The following RYR2 variants were observed in gnomAD, a reference collection of about 807,000 sequenced individuals.
RYR2 encodes cardiac muscle ryanodine receptor-calcium release channel.
A neutral mutation model predicts 601.1 loss-of-function variants in RYR2; 227 were observed. The ratio of observed to expected loss-of-function variants is 0.38; its 90% confidence interval spans 0.34 to 0.42. RYR2 has a LOEUF of 0.42. Among genes scored for constraint, RYR2 ranks in the 10% least tolerant of loss-of-function variants. The pLI is 1.00. For synonymous variants in RYR2, 2,223 were observed against 2,175.1 expected, an observed-to-expected ratio of 1.02 and a Z score of -0.61; for missense variants, 4,646 against 6,156.5, an observed-to-expected ratio of 0.75 and a Z score of 8.21.
chr1:237,769,412 ATAACACT>A (rs1331828857), intron 84 of RYR2, among the ~76,000 whole-genome samples: 4 of 152,228 alleles, frequency 2.6e-5, no homozygotes, highest in African/African-American at 9.6e-5. Flanking sequence ...TAATGTGCCT[ATAACACT>A]TAAACTTGCC....
At chr1:237,392,102 T>C (rs774439072) in intron 10 of RYR2, among the ~76,000 whole-genome samples, 113 of 152,126 alleles carry the variant, frequency 7.4e-4, no homozygotes, top group Admixed American at 1.3e-3. Flanking sequence ...AGCTCATTAG[T>C]ATTAACTATA....
At chr1:237,700,713 A>G (rs1006787709) in intron 65 of RYR2, among the ~76,000 whole-genome samples, 2 of 152,292 alleles carry the variant, frequency 1.3e-5, no homozygotes, top group Non-Finnish European at 2.9e-5. Context: ...AATGACTTCC[A>G]CATTGTTGAA....
intron 29 of RYR2, among the ~76,000 whole-genome samples, chr1:237,582,026 A>G (rs986716788): frequency 2.0e-5 from 3 of 152,180 alleles, no homozygotes; most frequent in African/African-American, 7.2e-5. Context: ...GATTCCAGAA[A>G]TCAAAGGCAA....
chr1:237,185,218 T>A lies in RYR2; in HGVS notation c.49-85279T>A, dbSNP rs184832579. Among the ~76,000 whole-genome samples, 7 of 152,152 alleles carry A rather than the reference T, an allele frequency of 4.6e-5. No homozygotes were observed. In the East Asian group the frequency reaches 9.7e-4, roughly 21 times the overall value. On this transcript the variant is annotated intron_variant, in intron 1 of 104. Transcript: ENST00000366574. ...TCTCACTATGTTGCCCAGGCTGGTC[T>A]TGAACTCCTGGACTCAAGCAATCCT...
At chr1:237,605,235 G>C (rs12093965) in intron 35 of RYR2, among the ~76,000 whole-genome samples, 52,901 of 152,044 alleles carry the variant, frequency 0.35, 11,026 homozygotes, top group Admixed American at 0.48. Flanking sequence ...TGATAAAGTG[G>C]GCTTCATCCC....
Position 237,445,453 on chromosome 1 carries a change from C to A in RYR2, c.1223C>A (p.Ser408Tyr). Residue 408 changes from serine to tyrosine, a missense_variant, in exon 14 of 105, where the codon TCC becomes TAC. Ser to Tyr is a moderately radical substitution (Grantham distance 144). Coordinates refer to ENST00000366574, the MANE Select transcript of RYR2 (RefSeq NM_001035.3). ...HMDDGISLSR[S>Y]QHEESRTARV... is the part of the protein sequence containing the mutation. ...GATGATGGCATAAGTTTGTCGAGAT[C>A]CCAGCATGAAGAATCACGCACAGCC... The A allele has an allele frequency of 1.2e-6, 2 of 1,613,710 alleles. No homozygotes were observed. The highest frequency in any genetic ancestry group is 1.7e-6 in the Non-Finnish European group (2 of 1,179,714).
intron 2 of RYR2, among the ~76,000 whole-genome samples, chr1:237,278,572 A>G (rs926689421): frequency 1.8e-4 from 27 of 152,190 alleles, no homozygotes; most frequent in Admixed American, 1.4e-3. Flanking sequence ...GAATAAAATG[A>G]TTTCTGAGTA....
intron 97 of RYR2, 111 bp downstream of exon 97, chr1:237,798,281 T>A: frequency 1.0e-6 from 1 of 973,068 alleles, no homozygotes; most frequent in Non-Finnish European, 1.5e-6. Flanking sequence ...GAAGAATAGA[T>A]AGATGAGGAA....
chr1:237,411,911 T>G (rs1704497622), intron 10 of RYR2, among the ~76,000 whole-genome samples: 1 of 152,184 alleles, frequency 6.6e-6, no homozygotes, highest in Non-Finnish European at 1.5e-5. Flanking sequence ...GAGGTGTCGC[T>G]TACAATGTGC....
intron 80 of RYR2, among the ~76,000 whole-genome samples, chr1:237,742,837 G>A (rs1691732391): frequency 6.6e-6 from 1 of 152,158 alleles, no homozygotes; most frequent in African/African-American, 2.4e-5. Flanking sequence ...GCTTGCATGA[G>A]GTAGGAGTCC....
At chr1:237,664,795 G>A (rs1328619410) in intron 56 of RYR2, among the ~76,000 whole-genome samples, 1 of 152,186 alleles carries the variant, frequency 6.6e-6, no homozygotes, top group Non-Finnish European at 1.5e-5. Flanking sequence ...GCTGTGTTAG[G>A]TGAGGTAAAG....
At chr1:237,217,734 C>T (rs1385228816) in intron 1 of RYR2, among the ~76,000 whole-genome samples, 1 of 152,158 alleles carries the variant, frequency 6.6e-6, no homozygotes, top group African/African-American at 2.4e-5. Flanking sequence ...GTAGTGATGA[C>T]TGCTGACTCG....
intron 1 of RYR2, among the ~76,000 whole-genome samples, chr1:237,259,423 G>A (rs1251196466): frequency 6.6e-6 from 1 of 151,564 alleles, no homozygotes; most frequent in Non-Finnish European, 1.5e-5. Flanking sequence ...CAGGAGAATC[G>A]CTTGAACCTA....
At chr1:237,421,661 A>C (rs1470815828) in intron 11 of RYR2, among the ~76,000 whole-genome samples, 9 of 152,210 alleles carry the variant, frequency 5.9e-5, no homozygotes, top group African/African-American at 2.2e-4. Context: ...AAACATTTTT[A>C]ATAAGTCTGT....
At chr1:237,709,651 G>A (rs1224730278) in intron 70 of RYR2, 84 bp downstream of exon 70, 1 of 765,310 alleles carries the variant, frequency 1.3e-6, no homozygotes, top group Non-Finnish European at 2.1e-6. Flanking sequence ...TAACAGTTGA[G>A]GAGAGAGAAT....
chr1:237,795,817 G>C (rs1364321438), intron 96 of RYR2, among the ~76,000 whole-genome samples: 4 of 117,968 alleles, frequency 3.4e-5, no homozygotes, highest in Non-Finnish European at 5.3e-5. Context: ...TGTATATACA[G>C]GTATGTATGT....
intron 25 of RYR2, among the ~76,000 whole-genome samples, chr1:237,543,157 A>G (rs1286466036): frequency 6.6e-6 from 1 of 152,172 alleles, no homozygotes; most frequent in African/African-American, 2.4e-5. Flanking sequence ...AGCCAAGTAT[A>G]GCTTTTTTTT....
At chr1:237,404,081 C>T (rs1405604815) in intron 10 of RYR2, among the ~76,000 whole-genome samples, 3 of 152,142 alleles carry the variant, frequency 2.0e-5, no homozygotes, top group Admixed American at 2.0e-4. Flanking sequence ...TGGCGAAACC[C>T]CATCTCTACA....
chr1:237,176,796 C>A (rs945147926), intron 1 of RYR2, among the ~76,000 whole-genome samples: 1 of 152,060 alleles, frequency 6.6e-6, no homozygotes, highest in Non-Finnish European at 1.5e-5. Flanking sequence ...CAGTTGGTAA[C>A]CTTCCATTTG....
Sources: gnomAD v4.1 joint callset for allele counts (sites outside exome capture counted in the v4.1 genomes callset) on GRCh38, gnomAD v4.1.1 for gene constraint, MANE v1.5 for transcripts, NCBI Gene and HGNC (gene_info 2026-07-23, HGNC 2026-07-21) for gene names.